Variants in ABCG8 observed in about 807,000 individuals in gnomAD.
ABCG8 encodes the protein ATP-binding cassette sub-family G member 8.
A neutral mutation model predicts 71.3 loss-of-function variants in ABCG8; 81 were observed. The observed-to-expected ratio is 1.14, with a 90% CI of 0.95 to 1.37. The LOEUF is 1.37. Ranked by LOEUF, ABCG8 falls within the 40% of genes most tolerant of loss-of-function variation. The pLI is 0.00. For synonymous variants in ABCG8, 451 were observed against 354.7 expected (o/e 1.27, Z -3.05); for missense variants, 1,119 against 866.2 (o/e 1.29, Z -3.66).
intron 1 of ABCG8, 52 bp from the exon 2 acceptor site, chr2:43,844,455 T>TTTC: frequency 6.9e-7 from 1 of 1,459,524 alleles, no homozygotes; most frequent in African/African-American, 1.4e-5. Flanking sequence ...TGTCTTCTCC[T>TTTC]ATGTTCTCAG....
At chr2:43,870,887 A>C (rs964855480) in intron 6 of ABCG8, among the ~76,000 whole-genome samples, 1 of 149,204 alleles carries the variant, frequency 6.7e-6, no homozygotes, top group Non-Finnish European at 1.5e-5. Flanking sequence ...TAGATCTCTC[A>C]CTGTCTGTCT....
At chr2:43,856,985 C>T (rs1311377345) in intron 6 of ABCG8, among the ~76,000 whole-genome samples, 1 of 151,662 alleles carries the variant, frequency 6.6e-6, no homozygotes, top group Non-Finnish European at 1.5e-5. Flanking sequence ...AATTCTCACC[C>T]TCTGGATAGA....
In ABCG8 at chr2:43,881,607, G is replaced by T. The variant is rs1670132627; in HGVS notation, c.*3694G>T. ...GCCTGTAGTTCCAGCTACTTGGGAG[G>T]TTGAGGCAGGAGAATCGCTTGAATC... On this transcript the variant is annotated 3_prime_UTR_variant, in exon 13 of 13. Coordinates refer to ENST00000272286, the MANE Select transcript of ABCG8 (RefSeq NM_022437.3). 1 of 151,452 alleles carries T rather than the reference G, an allele frequency of 6.6e-6. No individual in the cohort carries two copies. The highest frequency in any genetic ancestry group is 1.5e-5 in the Non-Finnish European group (1 of 68,066). 9.4% of individuals were successfully genotyped at this position (151,452 alleles called of 1,614,324 possible). A position where few individuals can be genotyped will look rare whatever the true frequency, so the allele number is the denominator to read the frequency against.
intron 1 of ABCG8, among the ~76,000 whole-genome samples, chr2:43,840,728 C>T (rs567815492): frequency 5.6e-4 from 86 of 152,292 alleles, no homozygotes; most frequent in Non-Finnish European, 4.4e-4. Flanking sequence ...TGCGCTGGTA[C>T]GGGGGAGCCA....
At chr2:43,866,218 A>G (rs968056922) in intron 6 of ABCG8, among the ~76,000 whole-genome samples, 12 of 151,680 alleles carry the variant, frequency 7.9e-5, no homozygotes, top group Admixed American at 7.9e-4. Flanking sequence ...AGAGTTAAAC[A>G]TTAGACCTAA....
intron 3 of ABCG8, chr2:43,846,985 C>CGT (rs1558800676): frequency 3.1e-5 from 3 of 96,110 alleles, no homozygotes; most frequent in African/African-American, 6.2e-5. Context: ...CCTGCACGCG[C>CGT]GCGTGCACAC....
At position 43,852,459 on chromosome 2, in the gene ABCG8, A is replaced by G. The variant is rs1668955040; in HGVS notation, c.667A>G (p.Ile223Val). The G allele has an allele frequency of 6.2e-7, 1 of 1,613,246 alleles. No individual in the cohort carries two copies. The highest frequency in any genetic ancestry group is 8.5e-7 in the Non-Finnish European group (1 of 1,179,968). Reference protein sequence around the residue: ...LSGGERRRVSIGVQLLWNPGI... With the variant: ...LSGGERRRVSVGVQLLWNPGI... ...GGGGGGTGAGCGCAGGAGAGTCAGCATTGGGGTGCAGCTCCTGTGGAACCC... is the reference window on the plus strand; with the variant it reads ...GGGGGGTGAGCGCAGGAGAGTCAGCGTTGGGGTGCAGCTCCTGTGGAACCC... Residue 223 changes from isoleucine to valine, a missense_variant, in exon 5 of 13, where the codon ATT (isoleucine) becomes GTT (valine). Transcript: ENST00000272286.
chr2:43,842,105 A>G (rs944867112), intron 1 of ABCG8, among the ~76,000 whole-genome samples: 7 of 152,076 alleles, frequency 4.6e-5, no homozygotes, highest in Non-Finnish European at 1.0e-4. Context: ...TGCCGGTTCA[A>G]GTGATTCTCC....
At chr2:43,862,250 C>G (rs972895368) in intron 6 of ABCG8, among the ~76,000 whole-genome samples, 1 of 151,272 alleles carries the variant, frequency 6.6e-6, no homozygotes, top group Non-Finnish European at 1.5e-5. Context: ...ATAGAATTCT[C>G]AGCATCTGGA....
Position 43,875,084 on chromosome 2 carries a change from C to T in ABCG8, c.1489-62C>T, listed in dbSNP as rs902273542. 20 of 1,610,636 alleles carry T rather than the reference C, an allele frequency of 1.2e-5. No homozygotes were observed. The Admixed American group carries it at 2.5e-4, about 20-fold the overall frequency. On this transcript the variant is annotated intron_variant, in intron 10 of 12. Transcript: ENST00000272286. ...ATCTGGGGGCACTGCTACTTTTAAA[C>T]GTTTATAATAATGGCAGTGAAGGTG... is the stretch of plus-strand genomic sequence containing the variant.
chr2:43,859,776 G>C (rs189482025), intron 6 of ABCG8, among the ~76,000 whole-genome samples: 4 of 139,928 alleles, frequency 2.9e-5, no homozygotes, highest in Admixed American at 7.2e-5. Flanking sequence ...TAGAATTCTC[G>C]CTTGCTGGAT....
intron 9 of ABCG8, 65 bp downstream of exon 9, chr2:43,874,051 G>T: frequency 6.6e-7 from 1 of 1,520,782 alleles, no homozygotes. Context: ...GTTCCTCTGA[G>T]CTCCTGGGGA....
At chr2:43,864,768 G>T (rs1255083290) in intron 6 of ABCG8, among the ~76,000 whole-genome samples, 1 of 145,042 alleles carries the variant, frequency 6.9e-6, no homozygotes, top group Non-Finnish European at 1.5e-5. Flanking sequence ...GCATGGAACT[G>T]TCACTATCTG....
At chr2:43,849,853 G>A (rs1328604549) in intron 3 of ABCG8, among the ~76,000 whole-genome samples, 1 of 152,104 alleles carries the variant, frequency 6.6e-6, no homozygotes, top group Non-Finnish European at 1.5e-5. Flanking sequence ...GAGAGCCTCT[G>A]CACAGTAACC....
intron 3 of ABCG8, 169 bp downstream of exon 3, chr2:43,846,480 C>G (rs1668747546): frequency 2.0e-6 from 2 of 987,446 alleles, no homozygotes; most frequent in African/African-American, 3.2e-5. Context: ...CAAATCCTGG[C>G]TCCTCCATTT....
chr2:43,861,391 T>A (rs1468848013), intron 6 of ABCG8, among the ~76,000 whole-genome samples: 1 of 151,246 alleles, frequency 6.6e-6, no homozygotes, highest in Admixed American at 6.6e-5. Flanking sequence ...GATCTCTCAC[T>A]ATCTGTCTGG....
chr2:43,870,277 C>G (rs764789653), intron 6 of ABCG8, among the ~76,000 whole-genome samples: 3 of 151,704 alleles, frequency 2.0e-5, no homozygotes, highest in Non-Finnish European at 4.4e-5. Flanking sequence ...TTCTCACAAT[C>G]TGGATAGAAT....
chr2:43,847,820 G>C (rs917852498), intron 3 of ABCG8: 2 of 151,944 alleles, frequency 1.3e-5, no homozygotes, highest in African/African-American at 4.8e-5. Context: ...GATTGCAGTG[G>C]TGTGATCTCG....
chr2:43,862,636 G>A (rs1230134873), intron 6 of ABCG8, among the ~76,000 whole-genome samples: 7 of 148,150 alleles, frequency 4.7e-5, no homozygotes, highest in Non-Finnish European at 9.0e-5. Flanking sequence ...CTCACTATCT[G>A]GATAGAATTC....
Sources: allele counts gnomAD v4.1 joint callset (sites outside exome capture counted in the v4.1 genomes callset), GRCh38; gene constraint gnomAD v4.1.1; transcripts MANE v1.5; gene names NCBI Gene and HGNC (gene_info 2026-07-23, HGNC 2026-07-21).